The following CARHSP1 variants were observed in gnomAD, a reference collection of about 807,000 sequenced individuals.
CARHSP1 encodes the protein calcium-regulated heat-stable protein 1.
Under a neutral mutation model 12.5 loss-of-function variants are expected in CARHSP1, and 14 were observed. That is an observed-to-expected ratio of 1.12 (90% CI 0.74 to 1.75). CARHSP1 has a LOEUF of 1.75. Among genes scored for constraint, CARHSP1 ranks in the 40% most tolerant of loss-of-function variants. The pLI is 0.00. For synonymous variants in CARHSP1, 161 were observed against 82.0 expected, an observed-to-expected ratio of 1.96 and a Z score of -5.20; for missense variants, 343 against 201.6, an observed-to-expected ratio of 1.70 and a Z score of -4.25.
Position 8,853,485 on chromosome 16 carries a change from C to CA in CARHSP1, c.*1678_*1679insT, listed in dbSNP as rs1567175905. 1 of 152,108 alleles carries CA rather than the reference C, an allele frequency of 6.6e-6. No homozygotes were observed. The highest frequency in any genetic ancestry group is 2.4e-5 in the African/African-American group (1 of 41,404). 9.4% of individuals were successfully genotyped at this position (152,108 alleles called of 1,614,324 possible). ...TCTCCACACACTCGCAATCAACATG[C>CA]GTATTTGCTATTCTCAAACAACTCC... On this transcript the variant is annotated 3_prime_UTR_variant, in exon 4 of 4. Transcript: ENST00000311052.
intron 3 of CARHSP1, among the ~76,000 whole-genome samples, chr16:8,857,269 T>TGTTTTTTTTTTG (rs756868301): frequency 6.7e-5 from 2 of 29,954 alleles, no homozygotes; most frequent in African/African-American, 2.8e-4. Context: ...ATCTGTTTTT[T>TGTTTTTTTTTTG]TTTTTTTTTT....
chr16:8,864,275 T>C (rs1391071787), intron 1 of CARHSP1, among the ~76,000 whole-genome samples: 1 of 152,170 alleles, frequency 6.6e-6, no homozygotes, highest in Non-Finnish European at 1.5e-5. Flanking sequence ...TGTTGCCGTC[T>C]GTATGCACAC....
chr16:8,868,643 C>G (rs2061485821), intron 1 of CARHSP1: 1 of 151,950 alleles, frequency 6.6e-6, no homozygotes, highest in African/African-American at 2.4e-5. Context: ...CCAGGGCTCC[C>G]GCCCAAAGGC....
At chr16:8,857,276 T>TGTTTTTTTG (rs1198791024) in intron 3 of CARHSP1, among the ~76,000 whole-genome samples, 1 of 102,056 alleles carries the variant, frequency 9.8e-6, no homozygotes, top group African/African-American at 4.8e-5. Flanking sequence ...TTTTTTTTTT[T>TGTTTTTTTG]TTTTTTTTTT....
rs191340076 is a variant in CARHSP1, at chr16:8,862,065, C to T, written c.-7-2730G>A. On this transcript the variant is annotated intron_variant, in intron 1 of 3. Coordinates refer to ENST00000311052, the MANE Select transcript of CARHSP1 (RefSeq NM_014316.4). ...TCGCCCAGGCTGGAGTGCAATGGCA[C>T]AATCTCGGCTCACTGCAACCTCCAC... 8.1e-3 allele frequency among the ~76,000 whole-genome samples: 1,127 copies of T among 139,266 alleles called. 13 individuals carry two copies. Among genetic ancestry groups the T allele is most frequent in the African/African-American group, 0.028 (1,082 of 38,192 alleles). 91.4% of individuals were successfully genotyped at this position (139,266 alleles called of 152,430 possible).
At chr16:8,865,629 C>A (rs145374727) in intron 1 of CARHSP1, among the ~76,000 whole-genome samples, 1 of 152,206 alleles carries the variant, frequency 6.6e-6, no homozygotes, top group Non-Finnish European at 1.5e-5. Context: ...CGGAGCCAGC[C>A]CACTGCTGGC....
chr16:8,858,350 T>TCA lies in CARHSP1; in HGVS notation c.279_280dup (p.Asp94ValfsTer134). 1 of 1,613,438 alleles carries TCA rather than the reference T, an allele frequency of 6.2e-7. No individual in the cohort carries two copies. The highest frequency in any genetic ancestry group is 1.7e-4 in the Middle Eastern group (1 of 6,052). ...CCACCCAGACCTGCCGCTGACTCAC[T>TCA]CAGAGATGTGCAGGAAGATGTCGGG... On this transcript the variant is annotated frameshift_variant and splice_region_variant, in exon 3 of 4. Transcript: ENST00000311052. LOFTEE classifies it high-confidence loss of function.
At chr16:8,855,530 G>T (rs1596521676) in intron 3 of CARHSP1, among the ~76,000 whole-genome samples, 1 of 152,162 alleles carries the variant, frequency 6.6e-6, no homozygotes, top group Non-Finnish European at 1.5e-5. Flanking sequence ...AGGAGGCCCT[G>T]GCCCAATCAG....
chr16:8,863,205 T>C (rs920681022), intron 1 of CARHSP1, among the ~76,000 whole-genome samples: 1 of 140,360 alleles, frequency 7.1e-6, no homozygotes, highest in Non-Finnish European at 1.5e-5. Flanking sequence ...CTGAAGCCTC[T>C]CAACCTCCTG....
At chr16:8,858,795 A>C in intron 2 of CARHSP1, 1 of 422,818 alleles carries the variant, frequency 2.4e-6, no homozygotes. Flanking sequence ...TCCACTCGCA[A>C]GGCCTGAGAC....
At chr16:8,857,857 G>GCTCATTGCAAACTCCGCCTCCCAGA (rs1567182143) in intron 3 of CARHSP1, 1 of 149,284 alleles carries the variant, frequency 6.7e-6, no homozygotes, top group Non-Finnish European at 1.5e-5. Flanking sequence ...CGCCTCCCAG[G>GCTCATTGCAAACTCCGCCTCCCAGA]TTCACACCAT....
At chr16:8,858,648 G>A in intron 2 of CARHSP1, 176 bp from the exon 3 acceptor site, 2 of 741,814 alleles carry the variant, frequency 2.7e-6, no homozygotes, top group South Asian at 2.1e-5. Context: ...CAAAGACGCT[G>A]GGGGAAAGGA....
chr16:8,854,908 A>G lies in CARHSP1; in HGVS notation c.*256T>C. ...AACCTCCACTCAGCCACCAGTGGGC[A>G]CCTCTCCTTTTTAAATGCTTTTAAT... On this transcript the variant is annotated 3_prime_UTR_variant, in exon 4 of 4. Coordinates refer to ENST00000311052, the MANE Select transcript of CARHSP1 (RefSeq NM_014316.4). 2 of 323,276 alleles carry G rather than the reference A, an allele frequency of 6.2e-6. No individual in the cohort carries two copies. The highest frequency in any genetic ancestry group is 9.5e-5 in the East Asian group (2 of 20,994). 20.0% of individuals were successfully genotyped at this position (323,276 alleles called of 1,614,324 possible). A position where few individuals can be genotyped will look rare whatever the true frequency, so the allele number is the denominator to read the frequency against.
In CARHSP1 at chr16:8,852,957, CAA is replaced by C. The variant is rs1327682677; in HGVS notation, c.*2205_*2206del. On this transcript the variant is annotated 3_prime_UTR_variant, in exon 4 of 4. Coordinates refer to ENST00000311052, the MANE Select transcript of CARHSP1 (RefSeq NM_014316.4). Reference sequence around the variant, plus strand: ...AACACACGCATAGCCTTGCACAAAACAAAAATTTATTGGGAGAAAGATGGCTG... The same window carrying C: ...AACACACGCATAGCCTTGCACAAAACAAATTTATTGGGAGAAAGATGGCTG... The C allele has an allele frequency of 2.0e-5, 3 of 152,104 alleles. No homozygotes were observed. Among genetic ancestry groups the C allele is most frequent in the African/African-American group, 7.2e-5 (3 of 41,420 alleles). 9.4% of individuals were successfully genotyped at this position (152,104 alleles called of 1,614,324 possible). A position where few individuals can be genotyped will look rare whatever the true frequency, so the allele number is the denominator to read the frequency against.
chr16:8,864,117 A>G (rs1179593702), intron 1 of CARHSP1, among the ~76,000 whole-genome samples: 1 of 152,248 alleles, frequency 6.6e-6, no homozygotes, highest in Non-Finnish European at 1.5e-5. Context: ...GGCTGCATGT[A>G]CATGTGTGCT....
chr16:8,853,274 G>A lies in CARHSP1; in HGVS notation c.*1890C>T, dbSNP rs1369522381. ...AAAGCCCTCTCGGGTCTTGGCTGTG[G>A]AAGTGTGGACTGTACCAGCAGATGG... On this transcript the variant is annotated 3_prime_UTR_variant, in exon 4 of 4. Coordinates refer to ENST00000311052, the MANE Select transcript of CARHSP1 (RefSeq NM_014316.4). 1.3e-5 allele frequency: 2 copies of A among 152,172 alleles called. No homozygotes were observed. Among genetic ancestry groups the A allele is most frequent in the Admixed American group, 6.5e-5 (1 of 15,268 alleles). The allele number at this position is 152,172 out of a possible 1,614,324, so 9.4% of individuals were successfully genotyped here. A position where few individuals can be genotyped will look rare whatever the true frequency, so the allele number is the denominator to read the frequency against.
chr16:8,868,830 CCCT>C (rs2061487580), intron 1 of CARHSP1, 133 bp downstream of exon 1: 1 of 152,036 alleles, frequency 6.6e-6, no homozygotes, highest in Admixed American at 6.5e-5. Context: ...CAGCCCGGAG[CCCT>C]CCTCTGCCGA....
Position 8,855,340 on chromosome 16 carries a change from A to AATAAAGCAGTCAGGGCTCACACCG in CARHSP1, c.282-38_282-15dup. 1 of 1,527,034 alleles carries AATAAAGCAGTCAGGGCTCACACCG rather than the reference A, an allele frequency of 6.5e-7. No homozygotes were observed. Among genetic ancestry groups the AATAAAGCAGTCAGGGCTCACACCG allele is most frequent in the Non-Finnish European group, 8.9e-7 (1 of 1,128,298 alleles). The allele number at this position is 1,527,034 out of a possible 1,614,324, so 94.6% of individuals were successfully genotyped here. ...TCCCCTTCCACACTACGGGGGCATA[A>AATAAAGCAGTCAGGGCTCACACCG]ATAAAGCAGTCAGGGCTCACACCGG... is the stretch of plus-strand genomic sequence containing the variant. On this transcript the variant is annotated splice_polypyrimidine_tract_variant and intron_variant, in intron 3 of 3. Coordinates refer to ENST00000311052, the MANE Select transcript of CARHSP1 (RefSeq NM_014316.4).
intron 1 of CARHSP1, chr16:8,861,936 T>C: frequency 2.7e-6 from 1 of 374,096 alleles, no homozygotes; most frequent in Non-Finnish European, 3.9e-6. Flanking sequence ...TGCCCTGCCT[T>C]GTTCTATCCA....
Sources: allele counts gnomAD v4.1 joint callset (sites outside exome capture counted in the v4.1 genomes callset), GRCh38; gene constraint gnomAD v4.1.1; transcripts MANE v1.5; gene names NCBI Gene and HGNC (gene_info 2026-07-23, HGNC 2026-07-21).